CR1: variants seen among roughly 807,000 people sequenced by gnomAD.
The protein encoded by CR1 is complement C3b/C4b receptor 1 (Knops blood group), also known as complement receptor type 1.
CR1 carries 116 observed loss-of-function variants against 187.3 expected under a neutral mutation model. The ratio of observed to expected loss-of-function variants is 0.62; its 90% CI spans 0.53 to 0.72. CR1 has a LOEUF of 0.72. Among genes scored for constraint, CR1 ranks in the 30% least tolerant of loss-of-function variants. CR1 has a pLI of 0.00. For missense variants in CR1, 1,731 were observed against 2,110.7 expected (o/e 0.82, Z 3.52); for synonymous variants, 576 against 747.1 (o/e 0.77, Z 3.73).
chr1:207,635,849 G>A (rs187147071), intron 46 of CR1, among the ~76,000 whole-genome samples: 2 of 152,162 alleles, frequency 1.3e-5, no homozygotes, highest in African/African-American at 2.4e-5. Flanking sequence ...CAAGCATGCT[G>A]CCTTCAAGCA....
chr1:207,634,041 C>T (rs540675375), intron 46 of CR1, among the ~76,000 whole-genome samples: 5 of 152,128 alleles, frequency 3.3e-5, no homozygotes, highest in African/African-American at 7.2e-5. Flanking sequence ...AGGCAAGGAC[C>T]GGCCATTTAC....
At chr1:207,567,500 A>G (rs1660539031) in intron 24 of CR1, among the ~76,000 whole-genome samples, 1 of 150,388 alleles carries the variant, frequency 6.6e-6, no homozygotes, top group African/African-American at 2.5e-5. Flanking sequence ...TAAGTGCTCA[A>G]TTAATATATA....
intron 46 of CR1, among the ~76,000 whole-genome samples, chr1:207,632,663 T>C (rs1655752745): frequency 6.6e-6 from 1 of 151,320 alleles, no homozygotes; most frequent in Non-Finnish European, 1.5e-5. Context: ...CCAGGCGTGG[T>C]GGTGGGCGCC....
intron 4 of CR1, among the ~76,000 whole-genome samples, chr1:207,518,708 C>T (rs1659879632): frequency 6.6e-6 from 1 of 152,154 alleles, no homozygotes; most frequent in Admixed American, 6.6e-5. Flanking sequence ...CTTCTCATCG[C>T]CTTCTCCTCT....
Position 207,619,941 on chromosome 1 carries a change from AG to A in CR1, c.7129del (p.Val2377TyrfsTer8). On this transcript the variant is annotated frameshift_variant, in exon 43 of 47. Transcript: ENST00000367049. LOFTEE classifies it high-confidence loss of function. ...TCTCGAAGGAGTTAGAAATGAAAAA[AG>A]TATATCACTATGGAGATTATGTGAC... ...GISKELEMKK[V>X]YHYGDYVTLK... 1.2e-6 allele frequency: 2 copies of A among 1,610,116 alleles called. No homozygotes were observed. Among genetic ancestry groups the A allele is most frequent in the Middle Eastern group, 1.7e-4 (1 of 6,054 alleles).
Position 207,580,415 on chromosome 1 carries a change from A to T in CR1, c.5112A>T (p.Ala1704=). The T allele has an allele frequency of 6.2e-7, 1 of 1,613,508 alleles. No homozygotes were observed. The highest frequency in any genetic ancestry group is 8.5e-7 in the Non-Finnish European group (1 of 1,179,678). The change falls in exon 30 of 47, where the codon GCA becomes GCT. Residue 1704 remains alanine, a splice_region_variant and synonymous_variant. Transcript: ENST00000367049. ...GDWSPEAPRC[A]VKSCDDFLGQ... ...GGAGCCCTGAAGCCCCGAGATGTGC[A>T]GGTGCCTCAACTCTCTGGCTTCCAG...
intron 35 of CR1, among the ~76,000 whole-genome samples, chr1:207,606,161 A>G (rs1049052872): frequency 1.3e-5 from 2 of 152,196 alleles, no homozygotes; most frequent in Non-Finnish European, 2.9e-5. Flanking sequence ...ATGAGAGCCC[A>G]TCTTATCTCA....
At chr1:207,637,393 C>G (rs1305723547) in intron 46 of CR1, among the ~76,000 whole-genome samples, 1 of 152,234 alleles carries the variant, frequency 6.6e-6, no homozygotes, top group African/African-American at 2.4e-5. Context: ...ACATTCTTCC[C>G]AAACTAAAAC....
intron 35 of CR1, among the ~76,000 whole-genome samples, chr1:207,601,234 T>A (rs1170347056): frequency 6.6e-6 from 1 of 152,066 alleles, no homozygotes. Flanking sequence ...AAAGAAGACA[T>A]AAGCCTGTTG....
At chr1:207,503,859 G>A (rs967681885) in intron 1 of CR1, among the ~76,000 whole-genome samples, 33 of 152,162 alleles carry the variant, frequency 2.2e-4, no homozygotes, top group Admixed American at 3.3e-4. Context: ...ATTAGGGTCC[G>A]GTTTAGTAGC....
chr1:207,603,053 A>G (rs1281862833), intron 35 of CR1, among the ~76,000 whole-genome samples: 3 of 152,152 alleles, frequency 2.0e-5, no homozygotes, highest in African/African-American at 7.2e-5. Flanking sequence ...GATGTTAATT[A>G]TCCCTGAATT....
chr1:207,618,294 T>G, intron 42 of CR1, 47 bp downstream of exon 42: 1 of 1,560,058 alleles, frequency 6.4e-7, no homozygotes. Flanking sequence ...TTGTATGGAA[T>G]GCATGAGGCT....
intron 35 of CR1, among the ~76,000 whole-genome samples, chr1:207,601,741 T>A (rs990302919): frequency 6.6e-6 from 1 of 152,216 alleles, no homozygotes; most frequent in Non-Finnish European, 1.5e-5. Flanking sequence ...TCTCATCCTT[T>A]GTCCATTTCG....
intron 35 of CR1, among the ~76,000 whole-genome samples, chr1:207,592,742 CAA>C (rs1443774735): frequency 6.6e-6 from 1 of 152,134 alleles, no homozygotes; most frequent in Non-Finnish European, 1.5e-5. Context: ...GCAACTTCAG[CAA>C]AGTCTCAGGA....
intron 46 of CR1, among the ~76,000 whole-genome samples, chr1:207,630,893 A>C (rs11581832): frequency 0.021 from 3,247 of 152,168 alleles, 64 homozygotes; most frequent in Non-Finnish European, 0.029. Context: ...TGAAACTTTG[A>C]GAAGTAGTAT....
chr1:207,497,204 T>C (rs2102326868), intron 1 of CR1, among the ~76,000 whole-genome samples: 1 of 152,366 alleles, frequency 6.6e-6, no homozygotes, highest in African/African-American at 2.4e-5. Context: ...ATGTTTACAG[T>C]TCGCATTTTA....
chr1:207,518,583 A>G (rs1659875109), intron 4 of CR1, among the ~76,000 whole-genome samples: 1 of 152,148 alleles, frequency 6.6e-6, no homozygotes, highest in African/African-American at 2.4e-5. Flanking sequence ...TGTCAATAGG[A>G]TTGGTTCCAT....
intron 34 of CR1, 29 bp from the exon 35 acceptor site, chr1:207,588,646 T>G: frequency 6.7e-7 from 1 of 1,500,344 alleles, no homozygotes; most frequent in Non-Finnish European, 9.3e-7. Context: ...AACTCTATAT[T>G]TAATCCCAAA....
At position 207,506,735 on chromosome 1, in the gene CR1, C is replaced by T. The variant is rs769726347; in HGVS notation, c.323C>T (p.Pro108Leu). Residue 108 changes from proline (P) to leucine (L), a missense_variant, in exon 3 of 47, where the codon CCA becomes CTA. By Grantham distance (98) the Pro-to-Leu change is moderately conservative. Transcript: ENST00000367049. ...GTAGGTAAATCATGTCGTAATCCTC[C>T]AGATCCTGTGAATGGCATGGTGCAT... Reference protein sequence around the residue: ...RCRRKSCRNPPDPVNGMVHVI... With the variant: ...RCRRKSCRNPLDPVNGMVHVI... The T allele has an allele frequency of 6.2e-7, 1 of 1,613,620 alleles. No homozygotes were observed. Among genetic ancestry groups the T allele is most frequent in the South Asian group, 1.1e-5 (1 of 91,054 alleles).
Sources: gnomAD v4.1 joint callset for allele counts (sites outside exome capture counted in the v4.1 genomes callset) on GRCh38, gnomAD v4.1.1 for gene constraint, MANE v1.5 for transcripts, NCBI Gene and HGNC (gene_info 2026-07-23, HGNC 2026-07-21) for gene names.